The following STK31 variants were observed in gnomAD, a reference collection of about 807,000 sequenced individuals.
STK31 encodes the protein serine/threonine kinase 31.
Under a neutral mutation model 129.7 loss-of-function variants are expected in STK31, and 89 were observed. That is an observed-to-expected ratio of 0.69 (90% CI 0.58 to 0.82). STK31 has a LOEUF of 0.82. Among genes scored for constraint, STK31 ranks in the 40% least tolerant of loss-of-function variants. The pLI, the probability that STK31 is intolerant of heterozygous loss-of-function variation, is 0.00. For missense variants in STK31, 1,187 were observed against 1,176.4 expected, an observed-to-expected ratio of 1.01 and a Z score of -0.13; for synonymous variants, 448 against 395.3, an observed-to-expected ratio of 1.13 and a Z score of -1.58.
chr7:23,823,977 A>G (rs905254143), intron 23 of STK31, among the ~76,000 whole-genome samples: 1 of 152,200 alleles, frequency 6.6e-6, no homozygotes, highest in Non-Finnish European at 1.5e-5. Context: ...TGGTACCAGT[A>G]TCATGCTATT....
chr7:23,716,275 A>G (rs1786316200), intron 3 of STK31, among the ~76,000 whole-genome samples: 1 of 152,188 alleles, frequency 6.6e-6, no homozygotes, highest in Non-Finnish European at 1.5e-5. Context: ...ATAGATTAGC[A>G]AGAGTTCCAC....
Position 23,832,138 on chromosome 7 carries a change from T to A in STK31, c.2832T>A (p.Asp944Glu). 1.2e-6 allele frequency: 2 copies of A among 1,610,492 alleles called. No individual in the cohort carries two copies. The highest frequency in any genetic ancestry group is 2.2e-5 in the South Asian group (2 of 90,624). The change falls in exon 24 of 24, where the codon GAT becomes GAA. Residue 944 changes from aspartate (D) to glutamate (E), a missense_variant and splice_region_variant. Physicochemically the swap from Asp to Glu is conservative, Grantham distance 45. Around this residue, in one of 5 missense-constraint regions of STK31, gnomAD observed 975 missense variants for 934.9 expected, o/e 1.04. Coordinates refer to ENST00000355870, the MANE Select transcript of STK31 (RefSeq NM_031414.5). ...GTAACACCTGTTTTTCCTTGCAGGA[T>A]GATAAAGTCAAATCCCTCCTCTGTA... is the stretch of plus-strand genomic sequence containing the variant. ...GIPKVDQFHL[D>E]DKVKSLLCSL... is the part of the protein sequence containing the mutation.
intron 21 of STK31, among the ~76,000 whole-genome samples, chr7:23,788,510 T>A (rs1420899635): frequency 7.9e-5 from 12 of 152,166 alleles, no homozygotes; most frequent in Admixed American, 7.9e-4. Context: ...TTGCTGTTTT[T>A]TGATTAATAA....
rs148341940 is a variant in STK31 at position 23,719,795 on chromosome 7, T to C, written c.249+2216T>C. Among the ~76,000 whole-genome samples the C allele has an allele frequency of 1.0e-3, 155 of 152,230 alleles. 1 individual carries two copies. Among genetic ancestry groups the C allele is most frequent in the Non-Finnish European group, 2.1e-3 (141 of 67,966 alleles). ...AACACTTGTTTTTAGGTGTGTGGAATTATTGGAGCTGAGATTTTTGAAACA... is the reference window on the plus strand; with the variant it reads ...AACACTTGTTTTTAGGTGTGTGGAACTATTGGAGCTGAGATTTTTGAAACA... On this transcript the variant is annotated intron_variant, in intron 4 of 23. Transcript: ENST00000355870.
chr7:23,792,513 A>G (rs986592732), intron 22 of STK31, among the ~76,000 whole-genome samples: 4 of 152,196 alleles, frequency 2.6e-5, no homozygotes, highest in Admixed American at 2.6e-4. Context: ...ACTAGAAGAC[A>G]TTGTATGGAT....
chr7:23,763,049 T>G (rs1789567656), intron 11 of STK31, 126 bp downstream of exon 11: 1 of 791,572 alleles, frequency 1.3e-6, no homozygotes, highest in Non-Finnish European at 1.8e-6. Flanking sequence ...GTTTCCTGAA[T>G]TCTGATTTCT....
intron 23 of STK31, among the ~76,000 whole-genome samples, chr7:23,819,246 C>G (rs1793649435): frequency 6.6e-6 from 1 of 152,132 alleles, no homozygotes; most frequent in Admixed American, 6.5e-5. Context: ...AAAACATATT[C>G]TGTAGAGTAC....
At chr7:23,826,511 T>C (rs1449291965) in intron 23 of STK31, among the ~76,000 whole-genome samples, 5 of 152,178 alleles carry the variant, frequency 3.3e-5, no homozygotes, top group Admixed American at 6.5e-5. Context: ...TGAGATGGGT[T>C]TCCTGAATAC....
At chr7:23,808,808 C>T (rs866860588) in intron 22 of STK31, among the ~76,000 whole-genome samples, 14 of 149,944 alleles carry the variant, frequency 9.3e-5, no homozygotes, top group Middle Eastern at 3.4e-3. Flanking sequence ...ACTAATACTA[C>T]GGATGGGATA....
In STK31 at chr7:23,737,046, T is replaced by C. The variant is rs754709368; in HGVS notation, c.985T>C (p.Leu329=). 4.3e-6 allele frequency: 7 copies of C among 1,610,524 alleles called. No individual in the cohort carries two copies. Among genetic ancestry groups the C allele is most frequent in the African/African-American group, 2.7e-5 (2 of 74,982 alleles). The part of the protein sequence containing the change: ...ALLESYKALE[L]KVEQIAQELQ... ...TCTTGAAAGTTATAAGGCGTTAGAA[T>C]TGAAAGTAGAGCAGATTGCCCAGGA... The change falls in exon 8 of 24, where the codon TTG becomes CTG. Residue 329 remains leucine, a synonymous_variant. Coordinates refer to ENST00000355870, the MANE Select transcript of STK31 (RefSeq NM_031414.5).
chr7:23,721,529 T>C, intron 4 of STK31: 1 of 956,666 alleles, frequency 1.0e-6, no homozygotes, highest in Non-Finnish European at 1.7e-6. Context: ...GTTAGTTCTC[T>C]GTTTAACTCT....
intron 23 of STK31, among the ~76,000 whole-genome samples, chr7:23,825,182 C>G (rs1338833438): frequency 1.3e-5 from 2 of 152,152 alleles, no homozygotes; most frequent in African/African-American, 4.8e-5. Flanking sequence ...GGTACCAGCT[C>G]CTCCTTTTAC....
intron 23 of STK31, among the ~76,000 whole-genome samples, chr7:23,831,434 G>C (rs1794539508): frequency 6.6e-6 from 1 of 151,928 alleles, no homozygotes; most frequent in Non-Finnish European, 1.5e-5. Context: ...ACACCTGCTT[G>C]CTTTTGGTTT....
At chr7:23,783,947 A>T (rs955301678) in intron 17 of STK31, among the ~76,000 whole-genome samples, 5 of 152,198 alleles carry the variant, frequency 3.3e-5, no homozygotes, top group African/African-American at 1.2e-4. Context: ...TTTTGAAATG[A>T]CAAAATAAAA....
At chr7:23,760,147 G>A (rs1789372237) in intron 10 of STK31, among the ~76,000 whole-genome samples, 1 of 152,018 alleles carries the variant, frequency 6.6e-6, no homozygotes, top group Admixed American at 6.6e-5. Flanking sequence ...ATTGTATTGG[G>A]CTGAACAGAA....
intron 8 of STK31, among the ~76,000 whole-genome samples, chr7:23,745,655 T>A (rs2128087655): frequency 6.6e-6 from 1 of 151,802 alleles, no homozygotes; most frequent in East Asian, 1.9e-4. Context: ...TTGCCTCAGG[T>A]TCTGGGTTGG....
At chr7:23,813,931 CGTT>C (rs1793308274) in intron 22 of STK31, among the ~76,000 whole-genome samples, 1 of 151,858 alleles carries the variant, frequency 6.6e-6, no homozygotes, top group African/African-American at 2.4e-5. Flanking sequence ...CCTGTGGCCT[CGTT>C]GGTGTCTCAG....
intron 13 of STK31, among the ~76,000 whole-genome samples, 200 bp downstream of exon 13, chr7:23,769,956 A>C (rs1790083592): frequency 1.3e-5 from 2 of 152,316 alleles, no homozygotes; most frequent in South Asian, 4.1e-4. Flanking sequence ...TCTTATTCTT[A>C]GGTGACATTT....
intron 6 of STK31, among the ~76,000 whole-genome samples, chr7:23,729,580 G>A (rs1303259708): frequency 6.8e-6 from 1 of 147,990 alleles, no homozygotes; most frequent in Non-Finnish European, 1.5e-5. Context: ...GCGTGATCTC[G>A]GCTCACTGCA....
Sources: gnomAD v4.1 joint callset for allele counts (sites outside exome capture counted in the v4.1 genomes callset) on GRCh38, gnomAD v4.1.1 for gene constraint, gnomAD v4.1.1 regional missense constraint, MANE v1.5 for transcripts, NCBI Gene and HGNC (gene_info 2026-07-23, HGNC 2026-07-21) for gene names.